Variants in CERS3 observed in about 807,000 individuals in gnomAD.
The protein encoded by CERS3 is LAG1 homolog, ceramide synthase 3.
In CERS3, 33 loss-of-function variants were observed where a neutral mutation model predicts 50.3. The ratio of observed to expected loss-of-function variants is 0.66; its 90% CI spans 0.50 to 0.88. The LOEUF is 0.88. Ranked by LOEUF, CERS3 falls within the 40% of genes least tolerant of loss-of-function variation. The pLI is 0.00. For missense variants in CERS3, 470 were observed against 460.3 expected, an observed-to-expected ratio of 1.02 and a Z score of -0.19; for synonymous variants, 176 against 155.2, an observed-to-expected ratio of 1.13 and a Z score of -0.99.
At chr15:100,421,783 A>G (rs1160947022) in intron 11 of CERS3, among the ~76,000 whole-genome samples, 5 of 132,630 alleles carry the variant, frequency 3.8e-5, no homozygotes, top group Non-Finnish European at 8.1e-5. Flanking sequence ...AATGCCGCGT[A>G]TCTACAACTA....
At chr15:100,462,071 C>A (rs1391343253) in intron 10 of CERS3, among the ~76,000 whole-genome samples, 2 of 152,180 alleles carry the variant, frequency 1.3e-5, no homozygotes, top group African/African-American at 4.8e-5. Context: ...GAACACACAA[C>A]ACTTGCACAT....
At chr15:100,467,837 G>GTGTATATATATATATA (rs1320355108) in intron 10 of CERS3, among the ~76,000 whole-genome samples, 2 of 56,356 alleles carry the variant, frequency 3.5e-5, no homozygotes, top group African/African-American at 1.1e-4. Flanking sequence ...ATATATACGT[G>GTGTATATATATATATA]TATATATATA....
chr15:100,517,718 A>G (rs1365712967), intron 2 of CERS3, among the ~76,000 whole-genome samples: 1 of 152,208 alleles, frequency 6.6e-6, no homozygotes, highest in Non-Finnish European at 1.5e-5. Context: ...CCTGTTGTAC[A>G]GCCTACAGCC....
intron 2 of CERS3, among the ~76,000 whole-genome samples, chr15:100,511,478 A>G (rs112955094): frequency 6.6e-6 from 1 of 151,794 alleles, no homozygotes; most frequent in Non-Finnish European, 1.5e-5. Context: ...ACAGTCTGTT[A>G]CATGCCCTAG....
chr15:100,526,839 T>C (rs1225780857), intron 1 of CERS3, among the ~76,000 whole-genome samples: 3 of 152,098 alleles, frequency 2.0e-5, no homozygotes, highest in Non-Finnish European at 4.4e-5. Flanking sequence ...AAGAAATCAC[T>C]GCAAAATGGG....
At chr15:100,403,788 A>G (rs1269289542) in intron 11 of CERS3, among the ~76,000 whole-genome samples, 2 of 152,252 alleles carry the variant, frequency 1.3e-5, no homozygotes, top group Non-Finnish European at 2.9e-5. Context: ...CCAAATGTTT[A>G]CACTGGTAAA....
chr15:100,518,178 A>T (rs1229698090), intron 2 of CERS3, among the ~76,000 whole-genome samples: 1 of 152,228 alleles, frequency 6.6e-6, no homozygotes, highest in Non-Finnish European at 1.5e-5. Flanking sequence ...AAAGAAAAAA[A>T]TGTAAAACAC....
At chr15:100,432,722 C>G (rs368576111) in intron 11 of CERS3, among the ~76,000 whole-genome samples, 1 of 151,984 alleles carries the variant, frequency 6.6e-6, no homozygotes, top group Non-Finnish European at 1.5e-5. Context: ...GAGGTACGTT[C>G]GAAAGAGTTG....
At chr15:100,457,557 G>GT (rs1335107205) in intron 10 of CERS3, among the ~76,000 whole-genome samples, 1 of 152,132 alleles carries the variant, frequency 6.6e-6, no homozygotes, top group African/African-American at 2.4e-5. Context: ...CTGCATCACT[G>GT]TTTTTTTACC....
intron 10 of CERS3, among the ~76,000 whole-genome samples, chr15:100,459,248 C>A (rs1399234667): frequency 6.6e-6 from 1 of 152,130 alleles, no homozygotes; most frequent in African/African-American, 2.4e-5. Context: ...CATTTAAATT[C>A]TTCCCAAATG....
chr15:100,473,801 A>G (rs1292505087), intron 8 of CERS3, among the ~76,000 whole-genome samples: 1 of 152,230 alleles, frequency 6.6e-6, no homozygotes, highest in Non-Finnish European at 1.5e-5. Context: ...TCTTAGGTGG[A>G]ATGAAAACAT....
intron 11 of CERS3, among the ~76,000 whole-genome samples, chr15:100,414,826 A>AAAAAC (rs916629019): frequency 5.3e-5 from 8 of 150,930 alleles, no homozygotes; most frequent in East Asian, 1.9e-4. Flanking sequence ...GATTAAAAAA[A>AAAAAC]AAAAACCCTG....
intron 10 of CERS3, among the ~76,000 whole-genome samples, chr15:100,460,732 C>A (rs1446459775): frequency 1.3e-5 from 2 of 152,220 alleles, no homozygotes; most frequent in Non-Finnish European, 2.9e-5. Flanking sequence ...TGGCTCAGGG[C>A]CTTGCCCCTT....
chr15:100,478,584 T>C (rs1176238295), intron 7 of CERS3, among the ~76,000 whole-genome samples: 1 of 148,996 alleles, frequency 6.7e-6, no homozygotes, highest in Non-Finnish European at 1.5e-5. Flanking sequence ...AGGCATTATG[T>C]TCAAAGAAGC....
chr15:100,421,749 T>A (rs202014202), intron 11 of CERS3, among the ~76,000 whole-genome samples: 1 of 135,202 alleles, frequency 7.4e-6, no homozygotes, highest in East Asian at 2.1e-4. Flanking sequence ...TAGATCAATG[T>A]AACAGAACAG....
intron 1 of CERS3, among the ~76,000 whole-genome samples, chr15:100,537,802 C>A (rs1251902351): frequency 6.6e-6 from 1 of 152,204 alleles, no homozygotes; most frequent in Non-Finnish European, 1.5e-5. Context: ...CAAAACCAAT[C>A]ATGTCTTCTC....
intron 3 of CERS3, among the ~76,000 whole-genome samples, chr15:100,491,754 T>C (rs1421584709): frequency 6.6e-6 from 1 of 152,188 alleles, no homozygotes; most frequent in Non-Finnish European, 1.5e-5. Flanking sequence ...AGTTTTAGTA[T>C]GGCATTTTCT....
chr15:100,433,745 A>T (rs920854878), intron 11 of CERS3, among the ~76,000 whole-genome samples: 1 of 152,220 alleles, frequency 6.6e-6, no homozygotes, highest in Admixed American at 6.5e-5. Context: ...ACACCTATAC[A>T]TGCACACACA....
intron 10 of CERS3, among the ~76,000 whole-genome samples, chr15:100,459,231 T>C (rs2142205920): frequency 6.6e-6 from 1 of 152,326 alleles, no homozygotes; most frequent in African/African-American, 2.4e-5. Flanking sequence ...AATCCCTTAT[T>C]AATAGACATT....
Sources: allele counts gnomAD v4.1 joint callset (sites outside exome capture counted in the v4.1 genomes callset), GRCh38; gene constraint gnomAD v4.1.1; transcripts MANE v1.5; gene names NCBI Gene and HGNC (gene_info 2026-07-23, HGNC 2026-07-21).